Variants in HIP1R observed in about 807,000 individuals in gnomAD.
HIP1R encodes the protein huntingtin-interacting protein 1-related protein.
HIP1R carries 135 observed loss-of-function variants against 144.2 expected under a neutral mutation model. The observed-to-expected ratio is 0.94, with a 90% confidence interval of 0.81 to 1.08. The LOEUF (loss-of-function observed/expected upper bound fraction) is 1.08, where lower values mean the gene tolerates loss of function less well. Among genes scored for constraint, HIP1R ranks in the 50% least tolerant of loss-of-function variants. The probability of loss-of-function intolerance (pLI) is 0.00; values close to 1 mark genes in which losing one functional copy is unlikely to be tolerated. For missense variants in HIP1R, 1,462 were observed against 1,432.8 expected (o/e 1.02, Z -0.33); for synonymous variants, 698 against 612.8 (o/e 1.14, Z -2.05).
At chr12:122,847,271 A>G (rs553800217) in intron 1 of HIP1R, among the ~76,000 whole-genome samples, 2 of 148,532 alleles carry the variant, frequency 1.3e-5, no homozygotes, top group African/African-American at 4.9e-5. Flanking sequence ...ACGTCCAGGA[A>G]GCCTACTCGG....
At position 122,861,490 on chromosome 12, in the gene HIP1R, C is replaced by A. The variant is rs368029781; in HGVS notation, c.3135C>A (p.Ser1045Arg). ...AACCACCCCTGGCCCAGAAGCCCAG[C>A]GTGGCCCCCAGACAGGACCACCAGG... is the stretch of plus-strand genomic sequence containing the variant. ...TKKPPLAQKPSVAPRQDHQLD... is the reference protein window; with the variant it reads ...TKKPPLAQKPRVAPRQDHQLD... Residue 1045 changes from serine to arginine, a missense_variant, in exon 31 of 32, where the codon AGC becomes AGA. By Grantham distance (110) the Ser-to-Arg change is moderately radical (BLOSUM62 -1). Around this residue, in one of 2 missense-constraint regions of HIP1R, gnomAD observed 1,112 missense variants for 1,011.7 expected, o/e 1.10. Coordinates refer to ENST00000253083, the MANE Select transcript of HIP1R (RefSeq NM_003959.3). The A allele has an allele frequency of 1.2e-6, 2 of 1,612,206 alleles. No individual in the cohort carries two copies. The highest frequency in any genetic ancestry group is 2.7e-5 in the African/African-American group (2 of 74,778).
chr12:122,852,406 G>C (rs1236839808), intron 7 of HIP1R, among the ~76,000 whole-genome samples: 1 of 152,256 alleles, frequency 6.6e-6, no homozygotes, highest in African/African-American at 2.4e-5. Flanking sequence ...GCAGAGATGT[G>C]CTGAGCCTGA....
At chr12:122,861,640 CAAGG>C in intron 31 of HIP1R, 62 bp from the exon 32 acceptor site, 1 of 1,597,862 alleles carries the variant, frequency 6.3e-7, no homozygotes, top group Non-Finnish European at 8.6e-7. Context: ...GGAGCTTGCT[CAAGG>C]GAGAGGTGGG....
In HIP1R at chr12:122,854,184, G is replaced by GT; in HGVS notation, c.718+2dup. The stretch of plus-strand genomic sequence containing the variant: ...AAGCTCCTGTTCAAGCTACACTCTT[G>GT]TGAGTGGCCCAGGGCAACCCCTGGC... On this transcript the variant is annotated splice_donor_variant, in intron 8 of 31. Transcript: ENST00000253083. LOFTEE classifies it high-confidence loss of function. 7 of 1,613,280 alleles carry GT rather than the reference G, an allele frequency of 4.3e-6. No individual in the cohort carries two copies. The highest frequency in any genetic ancestry group is 1.3e-5 in the African/African-American group (1 of 74,986).
rs34505207 is a variant in HIP1R, at chr12:122,861,108, AC to A, written c.2891-18del. Reference sequence around the variant, plus strand: ...AATGGGGGTGGGTGCCCAGATGTTCACCCCCTTGTCCTCCGGCCACAGACAC... The same window carrying A: ...AATGGGGGTGGGTGCCCAGATGTTCACCCCTTGTCCTCCGGCCACAGACAC... On this transcript the variant is annotated intron_variant, in intron 29 of 31. Coordinates refer to ENST00000253083, the MANE Select transcript of HIP1R (RefSeq NM_003959.3). 4 of 1,612,658 alleles carry A rather than the reference AC, an allele frequency of 2.5e-6. No individual in the cohort carries two copies. The Admixed American group carries it at 6.7e-5, about 27-fold the overall frequency.
chr12:122,858,020 GC>G, intron 18 of HIP1R, 81 bp from the exon 19 acceptor site: 2 of 1,305,728 alleles, frequency 1.5e-6, no homozygotes, highest in Non-Finnish European at 2.1e-6. Flanking sequence ...CCAACTGGTG[GC>G]CCATGGGTCA....
At chr12:122,861,684 C>G (rs200796411) in intron 31 of HIP1R, 22 bp from the exon 32 acceptor site, 2 of 1,613,752 alleles carry the variant, frequency 1.2e-6, no homozygotes, top group Non-Finnish European at 1.7e-6. Context: ...GACCACTGAC[C>G]CCCCACCTTT....
intron 2 of HIP1R, 93 bp from the exon 3 acceptor site, chr12:122,848,373 G>A (rs1037099985): frequency 1.8e-5 from 26 of 1,471,296 alleles, no homozygotes; most frequent in Non-Finnish European, 2.3e-5. Context: ...ATTGGGGGCC[G>A]GCCCTCTTCC....
intron 2 of HIP1R, 121 bp downstream of exon 2, chr12:122,848,215 G>A: frequency 8.9e-7 from 1 of 1,128,106 alleles, no homozygotes; most frequent in Non-Finnish European, 1.3e-6. Flanking sequence ...GCCCGGGGAG[G>A]AGGGTCCTGT....
rs1418751407 is a variant in HIP1R, at chr12:122,862,069, A to G, written c.*316A>G. 7 of 349,480 alleles carry G rather than the reference A, an allele frequency of 2.0e-5. No individual in the cohort carries two copies. The highest frequency in any genetic ancestry group is 1.3e-4 in the African/African-American group (6 of 46,910). 21.6% of individuals were successfully genotyped at this position (349,480 alleles called of 1,614,324 possible). ...CTCTTCAGAAAATAGTGTTTTTAAT[A>G]TTCCGAGCTAGAGCTCTTCTTCCTA... On this transcript the variant is annotated 3_prime_UTR_variant, in exon 32 of 32. Transcript: ENST00000253083.
chr12:122,859,337 G>A lies in HIP1R; in HGVS notation c.2296-89G>A, dbSNP rs200327722. 1.5e-5 allele frequency: 22 copies of A among 1,467,720 alleles called. 1 individual carries two copies. The East Asian group carries it at 4.1e-4, about 27-fold the overall frequency. The allele number at this position is 1,467,720 out of a possible 1,614,324, so 90.9% of individuals were successfully genotyped here. Reference sequence around the variant, plus strand: ...AGGGTGGGGACCATGCACCCTCCTCGATCCCTGTGGTCCCCAACCTCTTTC... The same window carrying A: ...AGGGTGGGGACCATGCACCCTCCTCAATCCCTGTGGTCCCCAACCTCTTTC... On this transcript the variant is annotated intron_variant, in intron 22 of 31. Coordinates refer to ENST00000253083, the MANE Select transcript of HIP1R (RefSeq NM_003959.3).
At position 122,858,215 on chromosome 12, in the gene HIP1R, C is replaced by T. The variant is rs371525902; in HGVS notation, c.1929C>T (p.Asp643=). 3.1e-5 allele frequency: 49 copies of T among 1,606,288 alleles called. No homozygotes were observed. The highest frequency in any genetic ancestry group is 2.7e-4 in the East Asian group (12 of 44,658). The part of the protein sequence containing the change: ...GILQDAVSKL[D]DPLHLRCTSS... ...TGCAGGATGCCGTGAGCAAGCTGGA[C>T]GACCCCCTGCACCTGCGCTGTACCA... The change falls in exon 19 of 32, where the codon GAC becomes GAT. Residue 643 remains aspartate, a synonymous_variant. Coordinates refer to ENST00000253083, the MANE Select transcript of HIP1R (RefSeq NM_003959.3).
At position 122,854,506 on chromosome 12, in the gene HIP1R, AGGTGTCTGGG is replaced by A. The variant is rs1173852411; in HGVS notation, c.718+325_718+334del. Among the ~76,000 whole-genome samples, 3 of 152,242 alleles carry A rather than the reference AGGTGTCTGGG, an allele frequency of 2.0e-5. 1 individual carries two copies. The East Asian group carries it at 5.8e-4, about 29-fold the overall frequency. On this transcript the variant is annotated intron_variant, in intron 8 of 31. Transcript: ENST00000253083. Reference sequence around the variant, plus strand: ...GGGGGTGCAAGCGCAAAAAGGCAAAAGGTGTCTGGGGTGTTAGGAGAGTTTTGATCTAACC... The same window carrying A: ...GGGGGTGCAAGCGCAAAAAGGCAAAAGTGTTAGGAGAGTTTTGATCTAACC...
At position 122,856,698 on chromosome 12, in the gene HIP1R, C is replaced by T. The variant is rs59499651; in HGVS notation, c.1592C>T (p.Ala531Val). 7.5e-3 allele frequency: 11,864 copies of T among 1,587,644 alleles called. 711 individuals are homozygous for T. In the African/African-American group the frequency reaches 0.13, roughly 18 times the overall value. Residue 531 changes from alanine (A) to valine (V), a missense_variant, in exon 17 of 32, where the codon GCG becomes GTG. This residue lies in a region of HIP1R where 1,112 missense variants were observed against 1,011.7 expected (regional missense o/e 1.10). Transcript: ENST00000253083. ...GCCAAGGCCGGAGAGCTGGCCCGCG[C>T]GCAGGAGGCCCTGAGCCACACAGAG... ...LEAKAGELAR[A>V]QEALSHTEQS...
chr12:122,840,902 G>A lies in HIP1R; in HGVS notation c.93+5259G>A, dbSNP rs1338993054. ...GGCAGAACTGCTCACCCTCTGAATA[G>A]GGACAGGCGCAGACGAGGCCCCTTC... On this transcript the variant is annotated intron_variant, in intron 1 of 31. Transcript: ENST00000253083. The surrounding 1 kb of genome is among the most constrained non-coding windows in gnomAD (Gnocchi z 4.2). Among the ~76,000 whole-genome samples, 1 of 152,176 alleles carries A rather than the reference G, an allele frequency of 6.6e-6. No homozygotes were observed. Among genetic ancestry groups the A allele is most frequent in the African/African-American group, 2.4e-5 (1 of 41,434 alleles).
chr12:122,859,837 C>A lies in HIP1R; in HGVS notation c.2465+7C>A. The A allele has an allele frequency of 6.2e-7, 1 of 1,611,818 alleles. No homozygotes were observed. Among genetic ancestry groups the A allele is most frequent in the South Asian group, 1.1e-5 (1 of 90,908 alleles). ...AGCTGGAGGTGAACGAGAGGTGAGC[C>A]CCCCTTCTGTCCCCCCAGGCCCAGC... is the stretch of plus-strand genomic sequence containing the variant. On this transcript the variant is annotated splice_region_variant and intron_variant, in intron 24 of 31. Transcript: ENST00000253083.
In HIP1R at chr12:122,859,120, C is replaced by A. The variant is rs765535771; in HGVS notation, c.2218C>A (p.Gln740Lys). 6.3e-6 allele frequency: 10 copies of A among 1,595,312 alleles called. No individual in the cohort carries two copies. The African/African-American group carries it at 9.4e-5, about 15-fold the overall frequency. ...ARALELMGQL[Q>K]DQQALRHMQA... ...GGCTCTGGAGCTCATGGGGCAGCTG[C>A]AGGACCAGCAGGCTCTGCGGCACAT... Residue 740 changes from glutamine to lysine, a missense_variant, in exon 22 of 32, where the codon CAG (glutamine) becomes AAG (lysine). Transcript: ENST00000253083.
intron 2 of HIP1R, 143 bp downstream of exon 2, chr12:122,848,237 C>A: frequency 1.0e-6 from 1 of 979,070 alleles, no homozygotes; most frequent in Non-Finnish European, 1.5e-6. Context: ...CAGCTTGGCT[C>A]CTTCCCATCT....
Position 122,859,601 on chromosome 12 carries a change from G to A in HIP1R, c.2406+65G>A, listed in dbSNP as rs925624231. On this transcript the variant is annotated intron_variant, in intron 23 of 31. Coordinates refer to ENST00000253083, the MANE Select transcript of HIP1R (RefSeq NM_003959.3). Reference sequence around the variant, plus strand: ...GCTTTGGGGGCCGGAGGCCCCAACTGGGCTGGGTACAGGCTGCACCCACTC... The same window carrying A: ...GCTTTGGGGGCCGGAGGCCCCAACTAGGCTGGGTACAGGCTGCACCCACTC... The A allele has an allele frequency of 4.2e-6, 6 of 1,433,914 alleles. No homozygotes were observed. In the African/African-American group the frequency reaches 5.7e-5, roughly 14 times the overall value. 88.8% of individuals were successfully genotyped at this position (1,433,914 alleles called of 1,614,324 possible).
Sources: allele counts gnomAD v4.1 joint callset (sites outside exome capture counted in the v4.1 genomes callset), GRCh38; gene constraint gnomAD v4.1.1; regional missense constraint gnomAD v4.1.1; non-coding constraint Gnocchi (gnomAD v3.1); transcripts MANE v1.5; gene names NCBI Gene and HGNC (gene_info 2026-07-23, HGNC 2026-07-21).